PCDHGA11: variants seen among roughly 807,000 people sequenced by gnomAD.
The protein encoded by PCDHGA11 is protocadherin gamma-A11.
PCDHGA11 carries 39 observed loss-of-function variants against 60.4 expected under a neutral mutation model. That is an observed-to-expected ratio of 0.65 (90% CI 0.50 to 0.84). The LOEUF is 0.84. Among genes scored for constraint, PCDHGA11 ranks in the 40% least tolerant of loss-of-function variants. The pLI, the probability that PCDHGA11 is intolerant of heterozygous loss-of-function variation, is 0.00. For synonymous variants in PCDHGA11, 533 were observed against 510.3 expected, an observed-to-expected ratio of 1.04 and a Z score of -0.60; for missense variants, 1,165 against 1,197.7, an observed-to-expected ratio of 0.97 and a Z score of 0.40.
rs776657082 is a variant in PCDHGA11, at chr5:141,432,778, G to A, written c.2433+9118G>A. On this transcript the variant is annotated intron_variant, in intron 1 of 3. Coordinates refer to ENST00000398587, the MANE Select transcript of PCDHGA11 (RefSeq NM_018914.3). The surrounding 1 kb of genome is among the most constrained non-coding windows in gnomAD (Gnocchi z 6.0). ...CCGACAGCATCCCCCAAGTCCTGGC[G>A]GACCTCGGCAGCCTCGAGTCTCCAG... 6.2e-7 allele frequency: 1 copy of A among 1,614,166 alleles called. No homozygotes were observed. Among genetic ancestry groups the A allele is most frequent in the Non-Finnish European group, 8.5e-7 (1 of 1,180,002 alleles).
At chr5:141,440,558 T>C (rs546919141) in intron 1 of PCDHGA11, 1 of 152,350 alleles carries the variant, frequency 6.6e-6, no homozygotes, top group East Asian at 1.9e-4. Context: ...TGTTATTAAG[T>C]TACGTATCTC....
chr5:141,477,052 C>T lies in PCDHGA11; in HGVS notation c.2434-17755C>T. On this transcript the variant is annotated intron_variant, in intron 1 of 3. Coordinates refer to ENST00000398587, the MANE Select transcript of PCDHGA11 (RefSeq NM_018914.3). The surrounding 1 kb of genome is among the most constrained non-coding windows in gnomAD (Gnocchi z 4.9). ...TGACAATCAAGGGTCGGCTGGACTT[C>T]GAGGACACCAAACTCCATGAGATTT... 1.2e-6 allele frequency: 2 copies of T among 1,614,240 alleles called. No individual in the cohort carries two copies. The highest frequency in any genetic ancestry group is 1.7e-6 in the Non-Finnish European group (2 of 1,180,032).
chr5:141,465,251 A>T (rs1436627558), intron 1 of PCDHGA11, among the ~76,000 whole-genome samples: 1 of 152,214 alleles, frequency 6.6e-6, no homozygotes, highest in Non-Finnish European at 1.5e-5. Flanking sequence ...GCACTTTTGT[A>T]AGCAATGATA....
At position 141,423,006 on chromosome 5, in the gene PCDHGA11, T is replaced by G. The variant is rs746057587; in HGVS notation, c.1779T>G (p.Val593=). The G allele has an allele frequency of 7.4e-6, 12 of 1,614,078 alleles. No homozygotes were observed. Among genetic ancestry groups the G allele is most frequent in the African/African-American group, 1.3e-5 (1 of 74,936 alleles). ...CTGGCTACCTGGTGACCAAGGTGGT[T>G]GCGGTGGACAAAGATTCAGGCCAGA... The part of the protein sequence containing the change: ...AEPGYLVTKV[V]AVDKDSGQNA... Residue 593 remains valine (V), a synonymous_variant, in exon 1 of 4, where the codon GTT becomes GTG. Coordinates refer to ENST00000398587, the MANE Select transcript of PCDHGA11 (RefSeq NM_018914.3).
intron 2 of PCDHGA11, among the ~76,000 whole-genome samples, chr5:141,498,068 A>G (rs765582921): frequency 6.6e-6 from 1 of 152,244 alleles, no homozygotes; most frequent in Non-Finnish European, 1.5e-5. Context: ...TGAAACTGTC[A>G]TAAGTGCTAG....
chr5:141,488,428 C>A (rs1234461104), intron 1 of PCDHGA11, among the ~76,000 whole-genome samples: 1 of 152,186 alleles, frequency 6.6e-6, no homozygotes, highest in Non-Finnish European at 1.5e-5. Context: ...CATGCTTGGC[C>A]TCTGACCACC....
intron 2 of PCDHGA11, among the ~76,000 whole-genome samples, chr5:141,501,690 A>G (rs760011264): frequency 5.3e-5 from 8 of 152,158 alleles, no homozygotes; most frequent in Non-Finnish European, 1.0e-4. Context: ...ACTTATCTGC[A>G]GGGTGATTCC....
intron 1 of PCDHGA11, among the ~76,000 whole-genome samples, chr5:141,473,946 G>A (rs1399816546): frequency 6.6e-6 from 1 of 152,170 alleles, no homozygotes; most frequent in African/African-American, 2.4e-5. Context: ...GCTCAGGCCT[G>A]TAGTCCCATC....
rs2096543646 is a variant in PCDHGA11 at position 141,421,064 on chromosome 5, G to A, written c.-164G>A. On this transcript the variant is annotated 5_prime_UTR_variant, in exon 1 of 4. Transcript: ENST00000398587. ...TCCCCCGCCTCTACCACACAAAGCG[G>A]AATGAGATGGATACTCACAGATCCT... 2 of 593,294 alleles carry A rather than the reference G, an allele frequency of 3.4e-6. No individual in the cohort carries two copies. The highest frequency in any genetic ancestry group is 5.7e-6 in the Non-Finnish European group (2 of 348,394). The allele number at this position is 593,294 out of a possible 1,614,324, so 36.8% of individuals were successfully genotyped here.
chr5:141,475,741 G>C (rs1455125695), intron 1 of PCDHGA11, among the ~76,000 whole-genome samples: 1 of 152,268 alleles, frequency 6.6e-6, no homozygotes, highest in Non-Finnish European at 1.5e-5. Flanking sequence ...CCCTAAGGTA[G>C]GTTTCCTATG....
Position 141,475,033 on chromosome 5 carries a change from A to G in PCDHGA11, c.2434-19774A>G, listed in dbSNP as rs1223709259. 2.0e-5 allele frequency among the ~76,000 whole-genome samples: 3 copies of G among 152,362 alleles called. No individual in the cohort carries two copies. In the East Asian group the frequency reaches 5.8e-4, roughly 29 times the overall value. ...TTAAGGCTCTTTATTCTGTGACTAA[A>G]GGCTTTGTATTTTCTAAAGATTTGT... is the stretch of plus-strand genomic sequence containing the variant. On this transcript the variant is annotated intron_variant, in intron 1 of 3. Transcript: ENST00000398587.
chr5:141,507,397 AC>A (rs1163501030), intron 3 of PCDHGA11: 1 of 152,144 alleles, frequency 6.6e-6, no homozygotes. Flanking sequence ...TGGCAACTCT[AC>A]CCCAGATGTC....
At chr5:141,480,514 C>A (rs1015316945) in intron 1 of PCDHGA11, among the ~76,000 whole-genome samples, 2 of 127,196 alleles carry the variant, frequency 1.6e-5, no homozygotes, top group African/African-American at 7.3e-5. Flanking sequence ...TGAGAACAAC[C>A]AAAAATGACA....
Position 141,491,197 on chromosome 5 carries a change from G to A in PCDHGA11, c.2434-3610G>A. Reference sequence around the variant, plus strand: ...GGTGGTCCTGGTGAGGGACAATGGTGACCCTTCACTCTCCTCCACAGCCAC... The same window carrying A: ...GGTGGTCCTGGTGAGGGACAATGGTAACCCTTCACTCTCCTCCACAGCCAC... On this transcript the variant is annotated intron_variant, in intron 1 of 3. Coordinates refer to ENST00000398587, the MANE Select transcript of PCDHGA11 (RefSeq NM_018914.3). The surrounding 1 kb of genome is among the most constrained non-coding windows in gnomAD (Gnocchi z 6.9). 6.2e-7 allele frequency: 1 copy of A among 1,614,190 alleles called. No individual in the cohort carries two copies. The highest frequency in any genetic ancestry group is 8.5e-7 in the Non-Finnish European group (1 of 1,180,024).
Position 141,427,920 on chromosome 5 carries a change from C to T in PCDHGA11, c.2433+4260C>T, listed in dbSNP as rs552823212. The T allele has an allele frequency of 3.8e-6, 6 of 1,579,506 alleles. No homozygotes were observed. In the African/African-American group the frequency reaches 4.0e-5, roughly 11 times the overall value. On this transcript the variant is annotated intron_variant, in intron 1 of 3. Transcript: ENST00000398587. The stretch of plus-strand genomic sequence containing the variant: ...GCCCGCGCTCAGCGCCAACATGAGC[C>T]GGCGCATGTTGGTGGGCGACCTCAA...
chr5:141,430,365 G>GA lies in PCDHGA11; in HGVS notation c.2433+6713dup, dbSNP rs202146484. Among the ~76,000 whole-genome samples, 583 of 147,736 alleles carry GA rather than the reference G, an allele frequency of 3.9e-3. 6 individuals are homozygous for GA. The highest frequency in any genetic ancestry group is 0.011 in the Admixed American group (169 of 14,894). On this transcript the variant is annotated intron_variant, in intron 1 of 3. Coordinates refer to ENST00000398587, the MANE Select transcript of PCDHGA11 (RefSeq NM_018914.3). ...CCAATTCATTTAAAAGCTCATTGGG[G>GA]AAAAAAAAGCTCATTGGGAAAAAAA...
Position 141,489,699 on chromosome 5 carries a change from A to G in PCDHGA11, c.2434-5108A>G. ...CAGCAGCATCTGGGGCACGATTCCC[A>G]CTGGACAGTGCCCAGGATCCGGATG... is the stretch of plus-strand genomic sequence containing the variant. On this transcript the variant is annotated intron_variant, in intron 1 of 3. Transcript: ENST00000398587. The surrounding 1 kb of genome is among the most constrained non-coding windows in gnomAD (Gnocchi z 4.5). The G allele has an allele frequency of 6.2e-7, 1 of 1,614,102 alleles. No homozygotes were observed. The highest frequency in any genetic ancestry group is 8.5e-7 in the Non-Finnish European group (1 of 1,179,956).
intron 1 of PCDHGA11, among the ~76,000 whole-genome samples, chr5:141,461,046 G>A (rs984653754): frequency 6.6e-6 from 1 of 151,578 alleles, no homozygotes; most frequent in Non-Finnish European, 1.5e-5. Context: ...AGTCGATGGG[G>A]ACTTAGGTTG....
At chr5:141,467,208 A>G (rs1272958649) in intron 1 of PCDHGA11, among the ~76,000 whole-genome samples, 1 of 152,064 alleles carries the variant, frequency 6.6e-6, no homozygotes, top group East Asian at 1.9e-4. Flanking sequence ...ACATGCCACC[A>G]TGCCTGGCTA....
Sources: allele counts gnomAD v4.1 joint callset (sites outside exome capture counted in the v4.1 genomes callset), GRCh38; gene constraint gnomAD v4.1.1; non-coding constraint Gnocchi (gnomAD v3.1); transcripts MANE v1.5; gene names NCBI Gene and HGNC (gene_info 2026-07-23, HGNC 2026-07-21).